Variants in ROBO1 observed in about 807,000 individuals in gnomAD.
ROBO1 encodes roundabout homolog 1.
A neutral mutation model predicts 195.9 loss-of-function variants in ROBO1; 149 were observed. The observed-to-expected ratio is 0.76, with a 90% confidence interval of 0.67 to 0.87. ROBO1 has a LOEUF of 0.87. Among genes scored for constraint, ROBO1 ranks in the 40% least tolerant of loss-of-function variants. ROBO1 has a pLI of 0.00. For synonymous variants in ROBO1, 816 were observed against 733.2 expected, an observed-to-expected ratio of 1.11 and a Z score of -1.82; for missense variants, 1,933 against 2,068.3, an observed-to-expected ratio of 0.93 and a Z score of 1.27.
intron 2 of ROBO1, among the ~76,000 whole-genome samples, chr3:79,549,598 A>G (rs77717130): frequency 0.012 from 1,805 of 152,298 alleles, 38 homozygotes; most frequent in African/African-American, 0.042. Context: ...TTTCTATTAT[A>G]TTAGGTATTA....
intron 2 of ROBO1, among the ~76,000 whole-genome samples, chr3:79,326,866 T>A (rs1234034049): frequency 6.6e-6 from 1 of 152,204 alleles, no homozygotes; most frequent in Non-Finnish European, 1.5e-5. Flanking sequence ...AAATGAATAT[T>A]ATTTGTGGGC....
intron 1 of ROBO1, among the ~76,000 whole-genome samples, chr3:79,640,702 A>G (rs954728869): frequency 6.6e-6 from 1 of 152,044 alleles, no homozygotes; most frequent in African/African-American, 2.4e-5. Flanking sequence ...CATTGACCTC[A>G]TGCTACTTTC....
At chr3:79,496,874 T>G (rs1939777068) in intron 2 of ROBO1, among the ~76,000 whole-genome samples, 1 of 152,202 alleles carries the variant, frequency 6.6e-6, no homozygotes, top group African/African-American at 2.4e-5. Flanking sequence ...TAAATATGAT[T>G]GCATTAAAAT....
chr3:79,286,635 T>C (rs754155379), intron 2 of ROBO1, among the ~76,000 whole-genome samples: 2 of 152,108 alleles, frequency 1.3e-5, no homozygotes, highest in Non-Finnish European at 2.9e-5. Context: ...TGTGGAGAAA[T>C]GGGATGGAAG....
At chr3:79,356,278 T>C (rs1244202891) in intron 2 of ROBO1, among the ~76,000 whole-genome samples, 1 of 152,044 alleles carries the variant, frequency 6.6e-6, no homozygotes, top group African/African-American at 2.4e-5. Context: ...GAGGTGGAGG[T>C]TGCAGTGGGC....
intron 4 of ROBO1, among the ~76,000 whole-genome samples, chr3:78,762,449 G>GT (rs1166739187): frequency 2.0e-4 from 31 of 152,002 alleles, no homozygotes; most frequent in Admixed American, 8.5e-4. Flanking sequence ...TATTTTATCT[G>GT]TTTTTTGTTT....
chr3:79,323,107 A>AG (rs2034057510), intron 2 of ROBO1, among the ~76,000 whole-genome samples: 1 of 151,104 alleles, frequency 6.6e-6, no homozygotes, highest in South Asian at 2.1e-4. Flanking sequence ...TTTGAGACGA[A>AG]GTCTCACTCT....
intron 4 of ROBO1, among the ~76,000 whole-genome samples, chr3:78,811,599 C>A (rs1394626159): frequency 6.6e-6 from 1 of 152,024 alleles, no homozygotes; most frequent in Non-Finnish European, 1.5e-5. Flanking sequence ...TATGATCTGG[C>A]CCCTCTCCTA....
At chr3:79,521,439 A>G (rs1941204903) in intron 2 of ROBO1, among the ~76,000 whole-genome samples, 1 of 152,176 alleles carries the variant, frequency 6.6e-6, no homozygotes, top group Admixed American at 6.5e-5. Context: ...AGAATAAGCT[A>G]GGAGTTTCGT....
rs115242256 is a variant in ROBO1, at chr3:79,474,464, A to T, written c.88+115360T>A. ...TTTTAAAAGTTGAGGTAATAATAGC[A>T]TCAATTGCAGATGGTTAGGTGAGGG... On this transcript the variant is annotated intron_variant, in intron 2 of 30. Coordinates refer to ENST00000464233, the MANE Select transcript of ROBO1 (RefSeq NM_002941.4). Among the ~76,000 whole-genome samples, 402 of 152,266 alleles carry T rather than the reference A, an allele frequency of 2.6e-3. 4 individuals are homozygous for T. Among genetic ancestry groups the T allele is most frequent in the Non-Finnish European group, 4.6e-3 (315 of 67,988 alleles).
At chr3:79,260,140 T>A (rs1191001759) in intron 2 of ROBO1, among the ~76,000 whole-genome samples, 2 of 151,584 alleles carry the variant, frequency 1.3e-5, no homozygotes, top group African/African-American at 2.4e-5. Context: ...ATTCCCATAA[T>A]GTTATTGAAA....
At chr3:79,005,732 A>G (rs2077604167) in intron 3 of ROBO1, among the ~76,000 whole-genome samples, 1 of 152,236 alleles carries the variant, frequency 6.6e-6, no homozygotes, top group Non-Finnish European at 1.5e-5. Flanking sequence ...TATAAGTCAA[A>G]TAACATTTTT....
intron 4 of ROBO1, among the ~76,000 whole-genome samples, chr3:78,824,438 T>A (rs992993648): frequency 2.0e-5 from 3 of 152,210 alleles, no homozygotes; most frequent in African/African-American, 7.2e-5. Context: ...GATTTTTGCA[T>A]TATTCAAGGC....
intron 4 of ROBO1, among the ~76,000 whole-genome samples, chr3:78,788,488 C>T (rs866107828): frequency 1.5e-5 from 2 of 131,192 alleles, no homozygotes; most frequent in Non-Finnish European, 3.2e-5. Context: ...CTAGAATATT[C>T]AGTATTGCCA....
chr3:79,366,340 A>G (rs753538015), intron 2 of ROBO1, among the ~76,000 whole-genome samples: 3 of 152,166 alleles, frequency 2.0e-5, no homozygotes, highest in Non-Finnish European at 4.4e-5. Flanking sequence ...TCTTAAACTC[A>G]ATGCCTCCAT....
At chr3:79,595,644 GAGACATGTCTCAGCCTCCTA>G (rs1944142383) in intron 1 of ROBO1, among the ~76,000 whole-genome samples, 1 of 151,612 alleles carries the variant, frequency 6.6e-6, no homozygotes, top group Non-Finnish European at 1.5e-5. Flanking sequence ...AGATCCTCCT[GAGACATGTCTCAGCCTCCTA>G]AGCAGCTAGG....
At chr3:79,390,129 A>C (rs1275231589) in intron 2 of ROBO1, among the ~76,000 whole-genome samples, 1 of 152,184 alleles carries the variant, frequency 6.6e-6, no homozygotes, top group Non-Finnish European at 1.5e-5. Context: ...CTTAAGTCAA[A>C]GATGAATGGA....
chr3:79,271,069 C>T (rs1385113158), intron 2 of ROBO1, among the ~76,000 whole-genome samples: 1 of 151,724 alleles, frequency 6.6e-6, no homozygotes, highest in Non-Finnish European at 1.5e-5. Context: ...CATGTCATAG[C>T]CAATTAACTG....
intron 4 of ROBO1, among the ~76,000 whole-genome samples, chr3:78,898,560 T>A (rs1253857753): frequency 6.6e-6 from 1 of 151,454 alleles, no homozygotes; most frequent in Non-Finnish European, 1.5e-5. Context: ...GCTAATTTTT[T>A]TGTATTTTTC....
Sources: allele counts gnomAD v4.1 joint callset (sites outside exome capture counted in the v4.1 genomes callset), GRCh38; gene constraint gnomAD v4.1.1; transcripts MANE v1.5; gene names NCBI Gene and HGNC (gene_info 2026-07-23, HGNC 2026-07-21).